Variants in PCDHGB1 observed in about 807,000 individuals in gnomAD.
PCDHGB1 encodes the protein protocadherin gamma-B1.
Under a neutral mutation model 56.6 loss-of-function variants are expected in PCDHGB1, and 34 were observed. The ratio of observed to expected loss-of-function variants is 0.60; its 90% CI spans 0.46 to 0.80. PCDHGB1 has a LOEUF of 0.80. PCDHGB1 is among the 30% of genes least tolerant of loss of function. PCDHGB1 has a pLI of 0.00. For synonymous variants in PCDHGB1, 561 were observed against 505.9 expected, an observed-to-expected ratio of 1.11 and a Z score of -1.46; for missense variants, 1,278 against 1,204.6, an observed-to-expected ratio of 1.06 and a Z score of -0.90.
intron 1 of PCDHGB1, chr5:141,395,240 G>A: frequency 6.3e-7 from 1 of 1,589,850 alleles, no homozygotes; most frequent in Non-Finnish European, 8.6e-7. Context: ...ATGGTCAGGT[G>A]AGTTTAGTTC....
At chr5:141,361,167 A>C in intron 1 of PCDHGB1, 1 of 1,613,990 alleles carries the variant, frequency 6.2e-7, no homozygotes, top group South Asian at 1.1e-5. Context: ...ACGATTGTGC[A>C]CCTGAAGTTA....
chr5:141,413,140 A>T (rs2095607783), intron 1 of PCDHGB1: 1 of 1,563,150 alleles, frequency 6.4e-7, no homozygotes, highest in Non-Finnish European at 8.7e-7. Flanking sequence ...CAACGTGTCC[A>T]GTGAGGACTT....
intron 1 of PCDHGB1, chr5:141,421,588 G>A: frequency 1.2e-6 from 2 of 1,613,910 alleles, no homozygotes; most frequent in Non-Finnish European, 8.5e-7. Context: ...TTACGGAGTG[G>A]AGGTGGAAAT....
At chr5:141,371,579 T>C in intron 1 of PCDHGB1, 2 of 1,613,852 alleles carry the variant, frequency 1.2e-6, no homozygotes, top group Non-Finnish European at 1.7e-6. Context: ...TTAAAATCGT[T>C]CAAGATACCA....
rs571984924 is a variant in PCDHGB1 at position 141,383,845 on chromosome 5, G to T, written c.2409+31176G>T. ...AGATTATGAAGAAACTGCCTTCTAT[G>T]AAATGGAGGTTCAGGCTCAAGATGG... On this transcript the variant is annotated intron_variant, in intron 1 of 3. Coordinates refer to ENST00000523390, the MANE Select transcript of PCDHGB1 (RefSeq NM_018922.3). The T allele has an allele frequency of 1.6e-4, 259 of 1,613,938 alleles. 1 individual carries two copies. The South Asian group carries it at 2.6e-3, about 16-fold the overall frequency.
chr5:141,462,959 G>A lies in PCDHGB1; in HGVS notation c.2410-31848G>A, dbSNP rs188938907. 5.1e-3 allele frequency among the ~76,000 whole-genome samples: 776 copies of A among 152,188 alleles called. 5 individuals are homozygous for A. Among genetic ancestry groups the A allele is most frequent in the Non-Finnish European group, 8.2e-3 (557 of 67,994 alleles). On this transcript the variant is annotated intron_variant, in intron 1 of 3. Transcript: ENST00000523390. ...AAGGCTTGTTTTTAAGCTTTGTTAGGACAGGTCTGTAGTAACTTTTGCCTT... is the reference window on the plus strand; with the variant it reads ...AAGGCTTGTTTTTAAGCTTTGTTAGAACAGGTCTGTAGTAACTTTTGCCTT...
chr5:141,371,438 CCTGGCTT>C (rs750409810), intron 1 of PCDHGB1: 1 of 1,613,882 alleles, frequency 6.2e-7, no homozygotes, highest in Non-Finnish European at 8.5e-7. Context: ...CGGAGATAAC[CCTGGCTT>C]CTGAATCCCA....
intron 1 of PCDHGB1, among the ~76,000 whole-genome samples, chr5:141,462,027 TG>T (rs1239347302): frequency 6.6e-6 from 1 of 152,220 alleles, no homozygotes; most frequent in African/African-American, 2.4e-5. Flanking sequence ...TTCTTCATGT[TG>T]GTCAGGCGGG....
At position 141,491,587 on chromosome 5, in the gene PCDHGB1, G is replaced by A. The variant is rs1177701526; in HGVS notation, c.2410-3220G>A. 1.2e-6 allele frequency: 2 copies of A among 1,613,834 alleles called. No individual in the cohort carries two copies. Among genetic ancestry groups the A allele is most frequent in the African/African-American group, 2.7e-5 (2 of 74,926 alleles). On this transcript the variant is annotated intron_variant, in intron 1 of 3. Coordinates refer to ENST00000523390, the MANE Select transcript of PCDHGB1 (RefSeq NM_018922.3). The surrounding 1 kb of genome is among the most constrained non-coding windows in gnomAD (Gnocchi z 6.9). ...CAGGACGTGCTTTTCACCGGCCTCG[G>A]ACGGCAGTGACTTCACTTTTCTAAG...
At chr5:141,409,545 A>G in intron 1 of PCDHGB1, 1 of 1,613,938 alleles carries the variant, frequency 6.2e-7, no homozygotes, top group African/African-American at 1.3e-5. Flanking sequence ...ATCAACGACA[A>G]CGCCCCAGTT....
chr5:141,478,210 A>G, intron 1 of PCDHGB1: 1 of 1,614,064 alleles, frequency 6.2e-7, no homozygotes, highest in East Asian at 2.2e-5. Flanking sequence ...TTCTTTCTCT[A>G]ATCCTGGTTT....
In PCDHGB1 at chr5:141,394,383, C is replaced by G. The variant is rs2092989606; in HGVS notation, c.2409+41714C>G. The G allele has an allele frequency of 3.1e-6, 5 of 1,614,118 alleles. No homozygotes were observed. In the Admixed American group the frequency reaches 5.0e-5, roughly 16 times the overall value. ...TGCGCTGCAATCTTTCGACTATGAG[C>G]AGATCCGAGACCTGCAGCTACTGGT... On this transcript the variant is annotated intron_variant, in intron 1 of 3. Transcript: ENST00000523390.
rs57426385 is a variant in PCDHGB1 at position 141,415,740 on chromosome 5, G to GTTTTT, written c.2409+63099_2409+63103dup. 865 of 624,308 alleles carry GTTTTT rather than the reference G, an allele frequency of 1.4e-3. 3 individuals carry two copies. Among genetic ancestry groups the GTTTTT allele is most frequent in the South Asian group, 2.2e-3 (75 of 34,868 alleles). The allele number at this position is 624,308 out of a possible 1,614,324, so 38.7% of individuals were successfully genotyped here. A position where few individuals can be genotyped will look rare whatever the true frequency, so the allele number is the denominator to read the frequency against. ...TGAGTAGAATTTGATGTTTATTAAG[G>GTTTTT]TTTTTTTTTTTTTTTTTTTTTTTTT... is the stretch of plus-strand genomic sequence containing the variant. On this transcript the variant is annotated intron_variant, in intron 1 of 3. Transcript: ENST00000523390.
intron 1 of PCDHGB1, chr5:141,400,133 C>G: frequency 3.7e-6 from 6 of 1,614,066 alleles, no homozygotes; most frequent in Non-Finnish European, 5.1e-6. Flanking sequence ...GAGGTGCTGC[C>G]GGATATCACT....
At chr5:141,443,392 T>A (rs151260637) in intron 1 of PCDHGB1, among the ~76,000 whole-genome samples, 1 of 151,662 alleles carries the variant, frequency 6.6e-6, no homozygotes, top group Non-Finnish European at 1.5e-5. Context: ...GGCTGAGGTG[T>A]GAGGATCACC....
chr5:141,498,230 C>T (rs2099782452), intron 2 of PCDHGB1, among the ~76,000 whole-genome samples: 1 of 152,200 alleles, frequency 6.6e-6, no homozygotes, highest in African/African-American at 2.4e-5. Flanking sequence ...GATGGTCAGG[C>T]ATACCAGCTT....
intron 1 of PCDHGB1, chr5:141,410,044 C>T (rs1220745023): frequency 1.7e-5 from 27 of 1,613,184 alleles, no homozygotes; most frequent in Admixed American, 3.3e-5. Context: ...CCAGTGAGCC[C>T]GGACTCTTCA....
At chr5:141,418,908 C>T (rs1037628215) in intron 1 of PCDHGB1, 1 of 1,613,814 alleles carries the variant, frequency 6.2e-7, no homozygotes, top group Non-Finnish European at 8.5e-7. Context: ...ATAATCATCA[C>T]GTCACTCTCT....
chr5:141,371,171 C>T, intron 1 of PCDHGB1: 1 of 1,614,048 alleles, frequency 6.2e-7, no homozygotes, highest in Non-Finnish European at 8.5e-7. Flanking sequence ...CCGCTGGCTC[C>T]TCCGTATTAA....
Sources: gnomAD v4.1 joint callset for allele counts (sites outside exome capture counted in the v4.1 genomes callset) on GRCh38, gnomAD v4.1.1 for gene constraint, Gnocchi (gnomAD v3.1) non-coding constraint, MANE v1.5 for transcripts, NCBI Gene and HGNC (gene_info 2026-07-23, HGNC 2026-07-21) for gene names.